Variants in ZNF385D observed in about 807,000 individuals in gnomAD.
The protein encoded by ZNF385D is zinc finger protein 385D, also known as zinc finger protein 659.
In ZNF385D, 15 loss-of-function variants were observed where a neutral mutation model predicts 35.8. That is an observed-to-expected ratio of 0.42 (90% CI 0.28 to 0.64). The LOEUF (loss-of-function observed/expected upper bound fraction) is 0.64, where lower values mean the gene tolerates loss of function less well. ZNF385D is among the 30% of genes least tolerant of loss of function. The pLI, the probability that ZNF385D is intolerant of heterozygous loss-of-function variation, is 0.23. For synonymous variants in ZNF385D, 212 were observed against 186.8 expected (o/e 1.13, Z -1.10); for missense variants, 474 against 494.6 (o/e 0.96, Z 0.39).
chr3:21,936,833 G>A (rs776473479), intron 3 of ZNF385D, among the ~76,000 whole-genome samples: 11 of 152,066 alleles, frequency 7.2e-5, no homozygotes, highest in Non-Finnish European at 1.5e-4. Context: ...TAAAATAAAA[G>A]TCTGTAAACT....
At chr3:22,045,138 T>C (rs983773771) in intron 3 of ZNF385D, among the ~76,000 whole-genome samples, 24 of 152,002 alleles carry the variant, frequency 1.6e-4, no homozygotes, top group Non-Finnish European at 7.4e-5. Context: ...TTCCTTTTGT[T>C]CCCTGTGCCT....
At chr3:22,190,131 A>AT (rs1222735584) in intron 2 of ZNF385D, among the ~76,000 whole-genome samples, 1 of 152,192 alleles carries the variant, frequency 6.6e-6, no homozygotes, top group Admixed American at 6.6e-5. Context: ...ACAGTTTGAG[A>AT]TTTTATATTG....
At chr3:21,689,877 G>T (rs1303608156) in intron 1 of ZNF385D, among the ~76,000 whole-genome samples, 1 of 56,320 alleles carries the variant, frequency 1.8e-5, no homozygotes, top group East Asian at 4.3e-4. Context: ...CAAGAAGGGC[G>T]AAAAATTGCA....
chr3:21,855,358 G>C (rs1696650697), intron 3 of ZNF385D, among the ~76,000 whole-genome samples: 1 of 151,988 alleles, frequency 6.6e-6, no homozygotes, highest in African/African-American at 2.4e-5. Flanking sequence ...TGTGTGGTGT[G>C]TGAAAAGATG....
chr3:22,294,434 A>G (rs1176145347), intron 2 of ZNF385D, among the ~76,000 whole-genome samples: 1 of 152,150 alleles, frequency 6.6e-6, no homozygotes, highest in African/African-American at 2.4e-5. Flanking sequence ...ATGTTATAAT[A>G]GATGTGGGTC....
chr3:21,967,732 C>T (rs1702990191), intron 3 of ZNF385D, among the ~76,000 whole-genome samples: 1 of 152,178 alleles, frequency 6.6e-6, no homozygotes, highest in Admixed American at 6.6e-5. Context: ...TTCTGAACTG[C>T]CAAGGCATTT....
chr3:21,947,795 T>C (rs564451182), intron 3 of ZNF385D, among the ~76,000 whole-genome samples: 1 of 152,312 alleles, frequency 6.6e-6, no homozygotes, highest in Non-Finnish European at 1.5e-5. Flanking sequence ...ATGGTTTCAA[T>C]CATTGGTGTT....
At position 21,578,218 on chromosome 3, in the gene ZNF385D, C is replaced by T. The variant is rs916004553; in HGVS notation, c.166-13534G>A. ...AGTTCTTTGAATTCTTTGTATATTACGGATATTAATCCCTTGTTGAATGAA... is the reference window on the plus strand; with the variant it reads ...AGTTCTTTGAATTCTTTGTATATTATGGATATTAATCCCTTGTTGAATGAA... On this transcript the variant is annotated intron_variant, in intron 2 of 7. Coordinates refer to ENST00000281523, the MANE Select transcript of ZNF385D (RefSeq NM_024697.3). Among the ~76,000 whole-genome samples the T allele has an allele frequency of 3.6e-4, 54 of 152,062 alleles. 2 individuals carry two copies. Among genetic ancestry groups the T allele is most frequent in the Non-Finnish European group, 1.0e-4 (7 of 68,012 alleles).
At chr3:21,444,815 G>A (rs35139452) in intron 4 of ZNF385D, among the ~76,000 whole-genome samples, 50,306 of 151,934 alleles carry the variant, frequency 0.33, 10,214 homozygotes, top group African/African-American at 0.57. Context: ...CCAAAATTTA[G>A]GCAATTCCTA....
chr3:21,750,597 C>G (rs181007254), intron 1 of ZNF385D, among the ~76,000 whole-genome samples: 2 of 152,302 alleles, frequency 1.3e-5, no homozygotes, highest in East Asian at 3.9e-4. Flanking sequence ...TTCTCCTTCA[C>G]CTAGCTAAAA....
chr3:21,871,675 G>T (rs1438244331), intron 3 of ZNF385D, among the ~76,000 whole-genome samples: 3 of 152,098 alleles, frequency 2.0e-5, no homozygotes, highest in Non-Finnish European at 4.4e-5. Flanking sequence ...TGAACCAAGT[G>T]TTTTCTTTAA....
chr3:22,097,211 T>G lies in ZNF385D; in HGVS notation c.325+71606A>C, dbSNP rs1368065613. ...TAGATTTATTGGCAAATATGATTAT[T>G]TTTATTTTATATCAATACATTTTGA... On this transcript the variant is annotated intron_variant, in intron 3 of 5. Coordinates refer to the ZNF385D transcript ENST00000494108. 2.6e-5 allele frequency among the ~76,000 whole-genome samples: 4 copies of G among 152,084 alleles called. 1 individual carries two copies. Among genetic ancestry groups the G allele is most frequent in the African/African-American group, 9.7e-5 (4 of 41,424 alleles).
intron 3 of ZNF385D, chr3:22,133,939 C>G (rs749143063): frequency 1.8e-4 from 28 of 151,954 alleles, no homozygotes; most frequent in Non-Finnish European, 3.1e-4. Context: ...GTATGAAAAT[C>G]TGAACAGCTC....
At chr3:22,342,639 T>C (rs1325540166) in intron 2 of ZNF385D, among the ~76,000 whole-genome samples, 3 of 152,210 alleles carry the variant, frequency 2.0e-5, no homozygotes, top group Non-Finnish European at 4.4e-5. Context: ...ACTGGAGCTT[T>C]TTATGCAAGA....
At chr3:21,551,114 G>A (rs1368377578) in intron 3 of ZNF385D, among the ~76,000 whole-genome samples, 1 of 152,288 alleles carries the variant, frequency 6.6e-6, no homozygotes, top group Non-Finnish European at 1.5e-5. Flanking sequence ...GCTGCTGAAT[G>A]GCTTTCCATA....
At chr3:21,740,944 T>C (rs2069484085) in intron 1 of ZNF385D, among the ~76,000 whole-genome samples, 1 of 152,218 alleles carries the variant, frequency 6.6e-6, no homozygotes. Flanking sequence ...ATTAGTATCA[T>C]TTCAAAGTTC....
At chr3:21,585,319 T>A (rs1471827757) in intron 2 of ZNF385D, among the ~76,000 whole-genome samples, 1 of 151,488 alleles carries the variant, frequency 6.6e-6, no homozygotes, top group African/African-American at 2.4e-5. Flanking sequence ...GAACTCTTAG[T>A]GAGAGTTACT....
intron 2 of ZNF385D, among the ~76,000 whole-genome samples, chr3:22,218,821 A>C (rs939876780): frequency 6.6e-6 from 1 of 152,024 alleles, no homozygotes; most frequent in African/African-American, 2.4e-5. Flanking sequence ...TATTTTGTCC[A>C]GTTTTTCTAT....
chr3:21,776,209 T>C (rs567802575), intron 3 of ZNF385D, among the ~76,000 whole-genome samples: 5 of 151,912 alleles, frequency 3.3e-5, no homozygotes, highest in African/African-American at 1.2e-4. Flanking sequence ...TTGTTAAATA[T>C]AGAATGGCAA....
Sources: gnomAD v4.1 joint callset for allele counts (sites outside exome capture counted in the v4.1 genomes callset) on GRCh38, gnomAD v4.1.1 for gene constraint, MANE v1.5 for transcripts, NCBI Gene and HGNC (gene_info 2026-07-23, HGNC 2026-07-21) for gene names.